The following GPER1 variants were observed in gnomAD, a reference collection of about 807,000 sequenced individuals.
GPER1 encodes the protein G protein-coupled estrogen receptor 1.
GPER1 carries 2 observed loss-of-function variants against 0.6 expected under a neutral mutation model. That is an observed-to-expected ratio of 3.41 (90% CI 1.39 to 10.72). The LOEUF (loss-of-function observed/expected upper bound fraction) is 10.72. Ranked by LOEUF, GPER1 falls within the 30% of genes most tolerant of loss-of-function variation. The pLI is 0.04. For missense variants in GPER1, 441 were observed against 535.2 expected, an observed-to-expected ratio of 0.82 and a Z score of 1.74; for synonymous variants, 263 against 247.6, an observed-to-expected ratio of 1.06 and a Z score of -0.58.
In GPER1 at chr7:1,092,791, G is replaced by T; in HGVS notation, c.1063G>T (p.Ala355Ser). The T allele has an allele frequency of 6.2e-7, 1 of 1,613,556 alleles. No homozygotes were observed. The highest frequency in any genetic ancestry group is 1.1e-5 in the South Asian group (1 of 91,084). The change falls in exon 2 of 2, where the codon GCC (alanine) becomes TCC (serine). Residue 355 changes from alanine to serine, a missense_variant. Transcript: ENST00000397088. ...GGCCCTGAACCGCTTCTGTCACGCT[G>T]CCCTGAAGGCCGTCATTCCAGACAG... is the stretch of plus-strand genomic sequence containing the variant. The part of the protein sequence containing the change: ...LPALNRFCHA[A>S]LKAVIPDSTE...
chr7:1,090,911 C>G (rs1375309188), intron 1 of GPER1, among the ~76,000 whole-genome samples: 2 of 152,208 alleles, frequency 1.3e-5, no homozygotes, highest in East Asian at 3.8e-4. Context: ...GAGGAAACCG[C>G]TGAACTTCTG....
Position 1,091,785 on chromosome 7 carries a change from G to T in GPER1, c.57G>T (p.Ala19=), listed in dbSNP as rs369178618. ...GVGLEMYPGT[A]QPAAPNTTSP... ...GCCTGGAGATGTACCCAGGCACCGC[G>T]CAGCCTGCGGCCCCCAACACCACCT... The change falls in exon 2 of 2, where the codon GCG becomes GCT. Residue 19 remains alanine, a synonymous_variant. Transcript: ENST00000397088. 3 of 1,582,062 alleles carry T rather than the reference G, an allele frequency of 1.9e-6. No individual in the cohort carries two copies. Among genetic ancestry groups the T allele is most frequent in the South Asian group, 2.3e-5 (2 of 86,980 alleles).
chr7:1,088,766 G>A lies in GPER1; in HGVS notation c.-323+445G>A, dbSNP rs1012121657. On this transcript the variant is annotated intron_variant, in intron 1 of 1. Coordinates refer to ENST00000397088, the MANE Select transcript of GPER1 (RefSeq NM_001098201.3). The surrounding 1 kb of genome is among the most constrained non-coding windows in gnomAD (Gnocchi z 4.5). Reference sequence around the variant, plus strand: ...GTGTGGCTTTATTTCTCTATGACAAGCAGAGGAAATCTGAAATGAGGTATT... The same window carrying A: ...GTGTGGCTTTATTTCTCTATGACAAACAGAGGAAATCTGAAATGAGGTATT... Among the ~76,000 whole-genome samples the A allele has an allele frequency of 1.3e-5, 2 of 152,134 alleles. No individual in the cohort carries two copies. Among genetic ancestry groups the A allele is most frequent in the Non-Finnish European group, 2.9e-5 (2 of 68,032 alleles).
In GPER1 at chr7:1,092,064, C is replaced by T; in HGVS notation, c.336C>T (p.Ser112=). 6.2e-7 allele frequency: 1 copy of T among 1,613,998 alleles called. No individual in the cohort carries two copies. Among genetic ancestry groups the T allele is most frequent in the Non-Finnish European group, 8.5e-7 (1 of 1,180,002 alleles). Residue 112 remains serine, a synonymous_variant, in exon 2 of 2, where the codon TCC becomes TCT. Coordinates refer to ENST00000397088, the MANE Select transcript of GPER1 (RefSeq NM_001098201.3). ...AVADLILVAD[S]LIEVFNLHER... is the part of the protein sequence containing the mutation. The stretch of plus-strand genomic sequence containing the variant: ...CGGACCTCATCCTGGTGGCCGACTC[C>T]CTCATTGAGGTGTTCAACCTGCACG...
In GPER1 at chr7:1,091,420, G is replaced by A. The variant is rs1787963176; in HGVS notation, c.-309G>A. The A allele has an allele frequency of 3.1e-6, 1 of 318,742 alleles. No individual in the cohort carries two copies. The highest frequency in any genetic ancestry group is 2.1e-5 in the African/African-American group (1 of 47,268). 19.7% of individuals were successfully genotyped at this position (318,742 alleles called of 1,614,324 possible). On this transcript the variant is annotated 5_prime_UTR_variant, in exon 2 of 2. The change abolishes the stop of an existing upstream ORF in the 5' untranslated region. Coordinates refer to ENST00000397088, the MANE Select transcript of GPER1 (RefSeq NM_001098201.3). ...TTGCTTCTCCAGGTACCCAGAGAGTGAGCAGCTCCACGCGGGACTGTGCAC... is the reference window on the plus strand; with the variant it reads ...TTGCTTCTCCAGGTACCCAGAGAGTAAGCAGCTCCACGCGGGACTGTGCAC...
Position 1,093,428 on chromosome 7 carries a change from C to CG in GPER1, c.*573dup. Reference sequence around the variant, plus strand: ...CATGCTGCTCTGGTGCACGCCTGAGCGTCCTCCATCTTCCAGGATGGCAGC... The same window carrying CG: ...CATGCTGCTCTGGTGCACGCCTGAGCGGTCCTCCATCTTCCAGGATGGCAGC... On this transcript the variant is annotated 3_prime_UTR_variant, in exon 2 of 2. Transcript: ENST00000397088. The CG allele has an allele frequency of 2.2e-6, 1 of 462,264 alleles. No homozygotes were observed. Among genetic ancestry groups the CG allele is most frequent in the South Asian group, 1.6e-5 (1 of 64,336 alleles). 28.6% of individuals were successfully genotyped at this position (462,264 alleles called of 1,614,324 possible). A position where few individuals can be genotyped will look rare whatever the true frequency, so the allele number is the denominator to read the frequency against.
At chr7:1,090,266 C>T (rs774326099) in intron 1 of GPER1, among the ~76,000 whole-genome samples, 1 of 152,236 alleles carries the variant, frequency 6.6e-6, no homozygotes, top group Non-Finnish European at 1.5e-5. Context: ...AGCCCTGGCC[C>T]CACCAGCACC....
chr7:1,088,442 C>G lies in GPER1; in HGVS notation c.-323+121C>G, dbSNP rs1787608142. On this transcript the variant is annotated intron_variant, in intron 1 of 1. Coordinates refer to ENST00000397088, the MANE Select transcript of GPER1 (RefSeq NM_001098201.3). The surrounding 1 kb of genome is among the most constrained non-coding windows in gnomAD (Gnocchi z 4.5). Reference sequence around the variant, plus strand: ...GAACACAGACCAGACACCTCACCCCCTGGTGAGAGCAGCACCCAGCTTCCC... The same window carrying G: ...GAACACAGACCAGACACCTCACCCCGTGGTGAGAGCAGCACCCAGCTTCCC... The G allele has an allele frequency of 6.6e-6, 1 of 151,864 alleles. No individual in the cohort carries two copies. The highest frequency in any genetic ancestry group is 1.5e-5 in the Non-Finnish European group (1 of 68,152). 9.4% of individuals were successfully genotyped at this position (151,864 alleles called of 1,614,324 possible). A position where few individuals can be genotyped will look rare whatever the true frequency, so the allele number is the denominator to read the frequency against.
At position 1,092,781 on chromosome 7, in the gene GPER1, C is replaced by T. The variant is rs1054318571; in HGVS notation, c.1053C>T (p.Phe351=). 27 of 1,613,558 alleles carry T rather than the reference C, an allele frequency of 1.7e-5. No homozygotes were observed. In the African/African-American group the frequency reaches 3.5e-4, roughly 21 times the overall value. Residue 351 remains phenylalanine, a synonymous_variant, in exon 2 of 2, where the codon TTC becomes TTT. Coordinates refer to ENST00000397088, the MANE Select transcript of GPER1 (RefSeq NM_001098201.3). ...QKTNLPALNR[F]CHAALKAVIP... ...CAAATTTGCCGGCCCTGAACCGCTTCTGTCACGCTGCCCTGAAGGCCGTCA... is the reference window on the plus strand; with the variant it reads ...CAAATTTGCCGGCCCTGAACCGCTTTTGTCACGCTGCCCTGAAGGCCGTCA...
chr7:1,087,522 C>CTG (rs369729763), upstream of GPER1, among the ~76,000 whole-genome samples: 730 of 152,292 alleles, frequency 4.8e-3, 7 homozygotes, highest in African/African-American at 0.017. Flanking sequence ...AAACTTTGAA[C>CTG]TGCCTGGACT....
rs529801008 is a variant in GPER1 at position 1,088,449 on chromosome 7, G to C, written c.-323+128G>C. 2.6e-5 allele frequency: 4 copies of C among 151,230 alleles called. No individual in the cohort carries two copies. In the East Asian group the frequency reaches 7.8e-4, roughly 29 times the overall value. 9.4% of individuals were successfully genotyped at this position (151,230 alleles called of 1,614,324 possible). A position where few individuals can be genotyped will look rare whatever the true frequency, so the allele number is the denominator to read the frequency against. On this transcript the variant is annotated intron_variant, in intron 1 of 1. Coordinates refer to ENST00000397088, the MANE Select transcript of GPER1 (RefSeq NM_001098201.3). The surrounding 1 kb of genome is among the most constrained non-coding windows in gnomAD (Gnocchi z 4.5). ...GACCAGACACCTCACCCCCTGGTGA[G>C]AGCAGCACCCAGCTTCCCAAACTCA...
chr7:1,088,061 A>AGAGGAGC (rs1787557031), upstream of GPER1: 1 of 152,332 alleles, frequency 6.6e-6, no homozygotes, highest in Admixed American at 6.5e-5. The surrounding 1 kb of genome is among the most constrained non-coding windows in gnomAD (Gnocchi z 4.5). Context: ...GAGGAGCCAG[A>AGAGGAGC]GAGGAGCGGG....
chr7:1,092,557 G>A lies in GPER1; in HGVS notation c.829G>A (p.Val277Ile), dbSNP rs373871922. 16 of 1,609,830 alleles carry A rather than the reference G, an allele frequency of 9.9e-6. No individual in the cohort carries two copies. The East Asian group carries it at 1.3e-4, about 13-fold the overall frequency. ...VFFVCWLPEN[V>I]FISVHLLQRT... is the part of the protein sequence containing the mutation. ...CTTCGTCTGCTGGCTGCCGGAGAACGTCTTCATCAGCGTGCACCTCCTGCA... is the reference window on the plus strand; with the variant it reads ...CTTCGTCTGCTGGCTGCCGGAGAACATCTTCATCAGCGTGCACCTCCTGCA... Residue 277 changes from valine (V) to isoleucine (I), a missense_variant, in exon 2 of 2, where the codon GTC becomes ATC. Coordinates refer to ENST00000397088, the MANE Select transcript of GPER1 (RefSeq NM_001098201.3).
At chr7:1,089,883 T>C (rs1485411076) in intron 1 of GPER1, among the ~76,000 whole-genome samples, 2 of 151,604 alleles carry the variant, frequency 1.3e-5, no homozygotes, top group Admixed American at 6.6e-5. Flanking sequence ...AGAAGTTCGA[T>C]ACAAGCCTGG....
At position 1,092,793 on chromosome 7, in the gene GPER1, C is replaced by T; in HGVS notation, c.1065C>T (p.Ala355=). The change falls in exon 2 of 2, where the codon GCC becomes GCT. Residue 355 remains alanine, a synonymous_variant. Coordinates refer to ENST00000397088, the MANE Select transcript of GPER1 (RefSeq NM_001098201.3). ...CCCTGAACCGCTTCTGTCACGCTGC[C>T]CTGAAGGCCGTCATTCCAGACAGCA... ...LPALNRFCHA[A]LKAVIPDSTE... The T allele has an allele frequency of 1.9e-6, 3 of 1,613,566 alleles. No homozygotes were observed. The highest frequency in any genetic ancestry group is 2.5e-6 in the Non-Finnish European group (3 of 1,180,014).
rs1788290644 is a variant in GPER1 at position 1,093,801 on chromosome 7, CAT to C, written c.*946_*947del. On this transcript the variant is annotated 3_prime_UTR_variant, in exon 2 of 2. Coordinates refer to ENST00000397088, the MANE Select transcript of GPER1 (RefSeq NM_001098201.3). ...GTTCAGCCTTTGTCAATAAACCTGT[CAT>C]GTGCGGATCCTTCCGGAGGCTCTGT... is the stretch of plus-strand genomic sequence containing the variant. 2 of 412,858 alleles carry C rather than the reference CAT, an allele frequency of 4.8e-6. No homozygotes were observed. Among genetic ancestry groups the C allele is most frequent in the African/African-American group, 2.1e-5 (1 of 48,564 alleles). The allele number at this position is 412,858 out of a possible 1,614,324, so 25.6% of individuals were successfully genotyped here. A position where few individuals can be genotyped will look rare whatever the true frequency, so the allele number is the denominator to read the frequency against.
intron 1 of GPER1, among the ~76,000 whole-genome samples, chr7:1,090,874 T>C (rs1787903440): frequency 6.6e-6 from 1 of 152,252 alleles, no homozygotes; most frequent in Admixed American, 6.5e-5. Context: ...AAGTTTATTT[T>C]TGGTACCTAG....
chr7:1,091,586 G>A lies in GPER1; in HGVS notation c.-143G>A. 1.4e-6 allele frequency: 1 copy of A among 699,184 alleles called. No homozygotes were observed. The highest frequency in any genetic ancestry group is 2.5e-6 in the Non-Finnish European group (1 of 402,706). 43.3% of individuals were successfully genotyped at this position (699,184 alleles called of 1,614,324 possible). A position where few individuals can be genotyped will look rare whatever the true frequency, so the allele number is the denominator to read the frequency against. On this transcript the variant is annotated 5_prime_UTR_variant, in exon 2 of 2. Coordinates refer to ENST00000397088, the MANE Select transcript of GPER1 (RefSeq NM_001098201.3). ...AAACCCAACCCAAACCACCACAGGT[G>A]CTCCTCCTGGGGAGTTTCCTGTCTG...
chr7:1,091,914 G>C lies in GPER1; in HGVS notation c.186G>C (p.Ser62=). Residue 62 remains serine (S), a synonymous_variant, in exon 2 of 2, where the codon TCG becomes TCC. Transcript: ENST00000397088. ...HQQYVIGLFL[S]CLYTIFLFPI... ...AGTACGTGATCGGCCTGTTCCTCTC[G>C]TGCCTCTACACCATCTTCCTCTTCC... 5.6e-6 allele frequency: 9 copies of C among 1,613,992 alleles called. No individual in the cohort carries two copies. Among genetic ancestry groups the C allele is most frequent in the Non-Finnish European group, 7.6e-6 (9 of 1,179,976 alleles).
Sources: gnomAD v4.1 joint callset for allele counts (sites outside exome capture counted in the v4.1 genomes callset) on GRCh38, gnomAD v4.1.1 for gene constraint, Gnocchi (gnomAD v3.1) non-coding constraint, MANE v1.5 for transcripts, NCBI Gene and HGNC (gene_info 2026-07-23, HGNC 2026-07-21) for gene names.